Variants in BRINP2 observed in about 807,000 individuals in gnomAD.
BRINP2 encodes BMP/retinoic acid-inducible neural-specific protein 2.
BRINP2 carries 21 observed loss-of-function variants against 69.2 expected under a neutral mutation model. The observed-to-expected ratio is 0.30, with a 90% CI of 0.22 to 0.44. The LOEUF (loss-of-function observed/expected upper bound fraction) is 0.44, where lower values mean the gene tolerates loss of function less well. Ranked by LOEUF, BRINP2 falls within the 20% of genes least tolerant of loss-of-function variation. The pLI, the probability that BRINP2 is intolerant of heterozygous loss-of-function variation, is 1.00. For missense variants in BRINP2, 877 were observed against 986.0 expected, an observed-to-expected ratio of 0.89 and a Z score of 1.48; for synonymous variants, 380 against 394.1, an observed-to-expected ratio of 0.96 and a Z score of 0.42.
intron 2 of BRINP2, among the ~76,000 whole-genome samples, chr1:177,243,026 T>C (rs1246555566): frequency 6.6e-6 from 1 of 152,242 alleles, no homozygotes; most frequent in East Asian, 1.9e-4. Context: ...ATAATAGTAC[T>C]TTCGTTATAG....
chr1:177,256,336 G>C (rs1650756952), intron 3 of BRINP2: 2 of 985,290 alleles, frequency 2.0e-6, no homozygotes, highest in South Asian at 9.4e-5. Context: ...ATGGCGGTTG[G>C]AGGTGGACAG....
chr1:177,192,958 GA>G (rs1268351134), intron 1 of BRINP2, among the ~76,000 whole-genome samples: 1 of 152,176 alleles, frequency 6.6e-6, no homozygotes, highest in Non-Finnish European at 1.5e-5. Flanking sequence ...ACTGAAGTAG[GA>G]GCCAGCCTGC....
intron 4 of BRINP2, among the ~76,000 whole-genome samples, chr1:177,267,420 A>G (rs1651164329): frequency 1.3e-5 from 2 of 152,144 alleles, no homozygotes; most frequent in South Asian, 4.1e-4. Flanking sequence ...TTCAACTTAC[A>G]TGTAACTTTG....
At chr1:177,202,720 G>T (rs1648951268) in intron 1 of BRINP2, among the ~76,000 whole-genome samples, 1 of 152,154 alleles carries the variant, frequency 6.6e-6, no homozygotes, top group Non-Finnish European at 1.5e-5. Flanking sequence ...AAAAACACAT[G>T]AAAAAATGCT....
chr1:177,256,119 A>C lies in BRINP2; in HGVS notation c.460+10A>C. 1 of 1,612,718 alleles carries C rather than the reference A, an allele frequency of 6.2e-7. No individual in the cohort carries two copies. Among genetic ancestry groups the C allele is most frequent in the Non-Finnish European group, 8.5e-7 (1 of 1,178,900 alleles). On this transcript the variant is annotated intron_variant, in intron 3 of 7. Transcript: ENST00000361539. ...TCTGCCACCCTTGGAGGTAAGCAACATCACAATCCCAAGCTAATTGGTTGC... is the reference window on the plus strand; with the variant it reads ...TCTGCCACCCTTGGAGGTAAGCAACCTCACAATCCCAAGCTAATTGGTTGC...
chr1:177,266,032 A>C (rs1056222834), intron 4 of BRINP2, among the ~76,000 whole-genome samples: 1 of 151,838 alleles, frequency 6.6e-6, no homozygotes, highest in African/African-American at 2.4e-5. Flanking sequence ...AGGCAGGAGA[A>C]TGGCATGAGC....
chr1:177,281,228 G>C lies in BRINP2; in HGVS notation c.2052G>C (p.Gln684His). The change falls in exon 8 of 8, where the codon CAG becomes CAC. Residue 684 changes from glutamine (Q) to histidine (H), a missense_variant. By Grantham distance (24) the Gln-to-His change is conservative (BLOSUM62 0). Around this residue, in one of 3 missense-constraint regions of BRINP2, gnomAD observed 225 missense variants for 218.7 expected, o/e 1.03. Transcript: ENST00000361539. The stretch of plus-strand genomic sequence containing the variant: ...GTTACATGAAAATTAACACCTTGCA[G>C]GTCTTTGGCTACAGCCTGCCCTTTG... The part of the protein sequence containing the change: ...NLGYMKINTL[Q>H]VFGYSLPFDP... 1 of 1,614,194 alleles carries C rather than the reference G, an allele frequency of 6.2e-7. No homozygotes were observed. Among genetic ancestry groups the C allele is most frequent in the Non-Finnish European group, 8.5e-7 (1 of 1,180,044 alleles).
At chr1:177,244,979 C>T (rs367656788) in intron 2 of BRINP2, among the ~76,000 whole-genome samples, 1 of 152,126 alleles carries the variant, frequency 6.6e-6, no homozygotes, top group East Asian at 1.9e-4. Context: ...TCCCCTCTCA[C>T]AAGTGAGTGA....
chr1:177,227,991 G>A (rs189811929), intron 1 of BRINP2, among the ~76,000 whole-genome samples: 27 of 152,162 alleles, frequency 1.8e-4, no homozygotes, highest in East Asian at 7.7e-4. Context: ...CTGTCTTACC[G>A]CCTGCTCTAG....
chr1:177,176,684 C>T (rs975886045), intron 1 of BRINP2, among the ~76,000 whole-genome samples: 1 of 151,750 alleles, frequency 6.6e-6, no homozygotes, highest in Non-Finnish European at 1.5e-5. Context: ...CAGGAGCAGC[C>T]CAGAGTGAGC....
intron 7 of BRINP2, among the ~76,000 whole-genome samples, chr1:177,279,359 T>G (rs1040284720): frequency 6.6e-6 from 1 of 152,168 alleles, no homozygotes; most frequent in Non-Finnish European, 1.5e-5. Flanking sequence ...AACAGAAACA[T>G]AAAAACTAGA....
chr1:177,276,253 C>A lies in BRINP2; in HGVS notation c.831C>A (p.Leu277=), dbSNP rs1341750598. 2.5e-6 allele frequency: 4 copies of A among 1,614,180 alleles called. No homozygotes were observed. Among genetic ancestry groups the A allele is most frequent in the South Asian group, 1.1e-5 (1 of 91,082 alleles). ...GTGAGCGCTTTGTAGCTGCAGCACT[C>A]AGCTACATCACATGCAGCTCTGAGG... The part of the protein sequence containing the change: ...YLRERFVAAA[L]SYITCSSEGE... The change falls in exon 6 of 8, where the codon CTC becomes CTA. Residue 277 remains leucine, a synonymous_variant. Coordinates refer to ENST00000361539, the MANE Select transcript of BRINP2 (RefSeq NM_021165.4).
rs527873081 is a variant in BRINP2 at position 177,249,896 on chromosome 1, G to A, written c.270-6023G>A. 8.3e-4 allele frequency among the ~76,000 whole-genome samples: 127 copies of A among 152,270 alleles called. 2 individuals are homozygous for A. Among genetic ancestry groups the A allele is most frequent in the African/African-American group, 2.9e-3 (119 of 41,568 alleles). On this transcript the variant is annotated intron_variant, in intron 2 of 7. Transcript: ENST00000361539. The stretch of plus-strand genomic sequence containing the variant: ...CTCATAGATGTTTCTCTATTATTTT[G>A]GTTCCATGAAGGGCCCCAGAGGGCA...
intron 7 of BRINP2, 146 bp downstream of exon 7, chr1:177,278,931 G>A (rs1397263166): frequency 1.4e-6 from 1 of 734,658 alleles, no homozygotes; most frequent in Non-Finnish European, 2.2e-6. Flanking sequence ...ACTCATGTGT[G>A]TCATTCTCAG....
intron 4 of BRINP2, among the ~76,000 whole-genome samples, chr1:177,259,426 G>C (rs1263366189): frequency 6.6e-6 from 1 of 152,178 alleles, no homozygotes; most frequent in Non-Finnish European, 1.5e-5. Flanking sequence ...TGATTTAGAA[G>C]CTGCAGCAGG....
intron 5 of BRINP2, 69 bp downstream of exon 5, chr1:177,273,662 T>A: frequency 1.0e-6 from 1 of 992,626 alleles, no homozygotes; most frequent in Non-Finnish European, 1.4e-6. Flanking sequence ...CTAGATCAAA[T>A]AGCGGGAAAA....
intron 1 of BRINP2, among the ~76,000 whole-genome samples, chr1:177,228,139 T>C (rs956334757): frequency 6.6e-6 from 1 of 152,208 alleles, no homozygotes; most frequent in Admixed American, 6.5e-5. Flanking sequence ...TTTAACAAAC[T>C]TTCTGTGAGA....
intron 1 of BRINP2, among the ~76,000 whole-genome samples, chr1:177,218,862 A>G (rs1164534818): frequency 6.6e-6 from 1 of 152,204 alleles, no homozygotes; most frequent in Admixed American, 6.5e-5. Context: ...TTGACTGGAT[A>G]GTTGATGTTT....
intron 2 of BRINP2, among the ~76,000 whole-genome samples, chr1:177,253,801 G>A (rs1571933272): frequency 1.3e-5 from 2 of 151,936 alleles, no homozygotes; most frequent in East Asian, 1.9e-4. Flanking sequence ...TCCCCAATGT[G>A]TGTTCCTGGC....
Sources: gnomAD v4.1 joint callset for allele counts (sites outside exome capture counted in the v4.1 genomes callset) on GRCh38, gnomAD v4.1.1 for gene constraint, gnomAD v4.1.1 regional missense constraint, MANE v1.5 for transcripts, NCBI Gene and HGNC (gene_info 2026-07-23, HGNC 2026-07-21) for gene names.